CYTH3: variants seen among roughly 807,000 people sequenced by gnomAD.
CYTH3 encodes the protein cytohesin-3.
In CYTH3, 23 loss-of-function variants were observed where a neutral mutation model predicts 55.1. That is an observed-to-expected ratio of 0.42 (90% confidence interval 0.30 to 0.59). CYTH3 has a LOEUF of 0.59. Ranked by LOEUF, CYTH3 falls within the 20% of genes least tolerant of loss-of-function variation. CYTH3 has a pLI of 0.20. For synonymous variants in CYTH3, 249 were observed against 194.9 expected (o/e 1.28, Z -2.31); for missense variants, 413 against 524.8 (o/e 0.79, Z 2.08).
intron 9 of CYTH3, among the ~76,000 whole-genome samples, chr7:6,168,407 C>T (rs1209691677): frequency 6.6e-6 from 1 of 152,006 alleles, no homozygotes; most frequent in Non-Finnish European, 1.5e-5. Context: ...GCCGCACTCC[C>T]CGCTGAGCAC....
intron 1 of CYTH3, among the ~76,000 whole-genome samples, chr7:6,243,434 G>A (rs1337903688): frequency 6.6e-6 from 1 of 152,210 alleles, no homozygotes; most frequent in Non-Finnish European, 1.5e-5. Context: ...GGGTGGGGAA[G>A]CAATGTAATA....
intron 1 of CYTH3, among the ~76,000 whole-genome samples, chr7:6,234,364 G>C (rs1245159701): frequency 5.3e-5 from 8 of 152,196 alleles, no homozygotes; most frequent in African/African-American, 1.9e-4. Flanking sequence ...CCCAAGAATT[G>C]AAAACTCACT....
intron 1 of CYTH3, among the ~76,000 whole-genome samples, chr7:6,238,784 C>T (rs1034631295): frequency 1.3e-5 from 2 of 152,054 alleles, no homozygotes; most frequent in Non-Finnish European, 2.9e-5. Context: ...GCTGTGTGCA[C>T]GTGGGGGCAG....
chr7:6,263,561 C>G (rs113112792), intron 1 of CYTH3, among the ~76,000 whole-genome samples: 1 of 152,052 alleles, frequency 6.6e-6, no homozygotes, highest in African/African-American at 2.4e-5. Context: ...TTTGGAAGGC[C>G]GAGGCAGGCG....
intron 1 of CYTH3, among the ~76,000 whole-genome samples, chr7:6,215,544 C>T (rs112365240): frequency 1.4e-3 from 215 of 148,978 alleles, no homozygotes; most frequent in African/African-American, 5.1e-3. Context: ...GAGCCGAGAT[C>T]GCGCCACCGC....
intron 1 of CYTH3, among the ~76,000 whole-genome samples, chr7:6,221,258 C>T (rs1430038154): frequency 1.3e-5 from 2 of 152,134 alleles, no homozygotes; most frequent in Non-Finnish European, 2.9e-5. Flanking sequence ...ACACAACAGC[C>T]TGGTTGGATT....
chr7:6,215,236 G>C (rs967576077), intron 1 of CYTH3, among the ~76,000 whole-genome samples: 1 of 152,206 alleles, frequency 6.6e-6, no homozygotes, highest in South Asian at 2.1e-4. Context: ...AAGAGCAGAA[G>C]ATGCTCCACG....
chr7:6,241,093 G>C (rs1434634195), intron 1 of CYTH3, among the ~76,000 whole-genome samples: 2 of 152,258 alleles, frequency 1.3e-5, no homozygotes, highest in South Asian at 4.1e-4. Context: ...CTGCACTCCA[G>C]CCTGGGCGAC....
At chr7:6,210,584 CTA>C (rs1784299912) in intron 1 of CYTH3, among the ~76,000 whole-genome samples, 1 of 152,152 alleles carries the variant, frequency 6.6e-6, no homozygotes, top group Non-Finnish European at 1.5e-5. Flanking sequence ...AACTAATTTC[CTA>C]TATCCATAGG....
rs1782863775 is a variant in CYTH3, at chr7:6,162,469, AG to A, written c.*2474del. On this transcript the variant is annotated 3_prime_UTR_variant, in exon 13 of 13. Coordinates refer to ENST00000350796, the MANE Select transcript of CYTH3 (RefSeq NM_004227.4). ...ATTGTGACGCGGCCTGCCCAGGGTG[AG>A]GGACAAAAAACAGATGTGTCCTGTT... is the stretch of plus-strand genomic sequence containing the variant. The A allele has an allele frequency of 6.7e-6, 1 of 148,260 alleles. No individual in the cohort carries two copies. Among genetic ancestry groups the A allele is most frequent in the Non-Finnish European group, 1.5e-5 (1 of 66,354 alleles). The allele number at this position is 148,260 out of a possible 1,614,324, so 9.2% of individuals were successfully genotyped here.
intron 1 of CYTH3, among the ~76,000 whole-genome samples, chr7:6,249,042 G>A (rs891211578): frequency 1.3e-5 from 2 of 152,024 alleles, no homozygotes; most frequent in Admixed American, 6.6e-5. Flanking sequence ...TCTCTTTCAC[G>A]CTGTTGGGTT....
chr7:6,170,760 C>T lies in CYTH3; in HGVS notation c.711+70G>A, dbSNP rs1321761696. The T allele has an allele frequency of 5.7e-6, 9 of 1,569,968 alleles. No individual in the cohort carries two copies. In the Admixed American group the frequency reaches 1.3e-4, roughly 23 times the overall value. On this transcript the variant is annotated intron_variant, in intron 8 of 12. Transcript: ENST00000350796. The surrounding 1 kb of genome is among the most constrained non-coding windows in gnomAD (Gnocchi z 7.8). ...GAGGCTTGGGAGGCGTGTCTAGAGCCGCGGGCGCTGCGGCCGCTCACAGCG... is the reference window on the plus strand; with the variant it reads ...GAGGCTTGGGAGGCGTGTCTAGAGCTGCGGGCGCTGCGGCCGCTCACAGCG...
chr7:6,182,910 G>T (rs572256409), intron 4 of CYTH3, among the ~76,000 whole-genome samples: 2 of 152,228 alleles, frequency 1.3e-5, no homozygotes, highest in Admixed American at 6.5e-5. Context: ...GCTTGGTGGT[G>T]CTTGGTGGGT....
chr7:6,187,171 AG>A, intron 3 of CYTH3, 55 bp from the exon 4 acceptor site: 1 of 1,551,696 alleles, frequency 6.4e-7, no homozygotes, highest in South Asian at 1.1e-5. Context: ...AATGCAGCCC[AG>A]TCACGGCCCT....
chr7:6,262,519 C>T (rs1285171888), intron 1 of CYTH3, among the ~76,000 whole-genome samples: 1 of 152,182 alleles, frequency 6.6e-6, no homozygotes, highest in African/African-American at 2.4e-5. Context: ...ACTGATGCAG[C>T]TGACTTCTCC....
intron 5 of CYTH3, 75 bp from the exon 6 acceptor site, chr7:6,173,808 A>G (rs1783264414): frequency 5.6e-6 from 5 of 886,380 alleles, no homozygotes; most frequent in African/African-American, 3.3e-5. Flanking sequence ...GCTGATGAAT[A>G]ATGTGGCTAT....
chr7:6,263,769 G>A (rs965702983), intron 1 of CYTH3, among the ~76,000 whole-genome samples: 1 of 150,436 alleles, frequency 6.6e-6, no homozygotes, highest in Non-Finnish European at 1.5e-5. Context: ...CTGCACTCCA[G>A]CCTGGGAAAC....
chr7:6,172,223 C>T (rs1471729877), intron 6 of CYTH3: 1 of 152,798 alleles, frequency 6.5e-6, no homozygotes, highest in Non-Finnish European at 1.5e-5. Context: ...CGCGGGGCTC[C>T]TCTTCCTCTG....
At chr7:6,181,406 G>C (rs1299640118) in intron 4 of CYTH3, among the ~76,000 whole-genome samples, 1 of 152,202 alleles carries the variant, frequency 6.6e-6, no homozygotes, top group African/African-American at 2.4e-5. Flanking sequence ...GACAGAATTT[G>C]GGGTTTTAAA....
Sources: allele counts gnomAD v4.1 joint callset (sites outside exome capture counted in the v4.1 genomes callset), GRCh38; gene constraint gnomAD v4.1.1; non-coding constraint Gnocchi (gnomAD v3.1); transcripts MANE v1.5; gene names NCBI Gene and HGNC (gene_info 2026-07-23, HGNC 2026-07-21).